Variants in LRMDA observed in about 807,000 individuals in gnomAD.
The protein encoded by LRMDA is leucine-rich melanocyte differentiation-associated protein.
A neutral mutation model predicts 29.8 loss-of-function variants in LRMDA; 18 were observed. The ratio of observed to expected loss-of-function variants is 0.60; its 90% CI spans 0.42 to 0.90. The LOEUF is 0.90. Ranked by LOEUF, LRMDA falls within the 40% of genes least tolerant of loss-of-function variation. The pLI, the probability that LRMDA is intolerant of heterozygous loss-of-function variation, is 0.00. For synonymous variants in LRMDA, 125 were observed against 109.4 expected (o/e 1.14, Z -0.89); for missense variants, 273 against 273.9 (o/e 1.00, Z 0.02).
chr10:75,728,057 C>G (rs1242876987), intron 2 of LRMDA, among the ~76,000 whole-genome samples: 2 of 152,094 alleles, frequency 1.3e-5, no homozygotes, highest in Non-Finnish European at 2.9e-5. Context: ...CATAACAACC[C>G]TCTGGGGGAT....
intron 2 of LRMDA, among the ~76,000 whole-genome samples, chr10:75,592,746 T>G (rs567290698): frequency 2.6e-5 from 4 of 152,318 alleles, no homozygotes; most frequent in African/African-American, 9.6e-5. Flanking sequence ...CGAGGAAAAT[T>G]GAGGATGGTT....
At chr10:76,478,288 C>T (rs1459306246) in intron 6 of LRMDA, among the ~76,000 whole-genome samples, 2 of 152,094 alleles carry the variant, frequency 1.3e-5, no homozygotes, top group African/African-American at 2.4e-5. Context: ...CCAACAGACA[C>T]GTGAAAAAAT....
intron 4 of LRMDA, among the ~76,000 whole-genome samples, chr10:76,056,064 C>G (rs1408646334): frequency 6.6e-6 from 1 of 152,192 alleles, no homozygotes; most frequent in Non-Finnish European, 1.5e-5. Flanking sequence ...GGAGGGTGAG[C>G]AAGGCAAAGA....
chr10:76,200,937 A>G (rs1321195581), intron 5 of LRMDA, among the ~76,000 whole-genome samples: 1 of 151,302 alleles, frequency 6.6e-6, no homozygotes, highest in Non-Finnish European at 1.5e-5. Context: ...GGCTGGTCTC[A>G]AATTCCTGAC....
rs559003377 is a variant in LRMDA, at chr10:76,436,957, C to T, written c.601+112472C>T. Among the ~76,000 whole-genome samples, 4 of 152,272 alleles carry T rather than the reference C, an allele frequency of 2.6e-5. No individual in the cohort carries two copies. The South Asian group carries it at 8.3e-4, about 32-fold the overall frequency. The stretch of plus-strand genomic sequence containing the variant: ...TACCTGAGCTGCCAGTCCCTTCCCA[C>T]TCCTCAAACAGGACTTCTCTGGTTT... On this transcript the variant is annotated intron_variant, in intron 6 of 6. Coordinates refer to ENST00000611255, the MANE Select transcript of LRMDA (RefSeq NM_001305581.2).
chr10:75,805,597 A>AT lies in LRMDA; in HGVS notation c.132-230407dup, dbSNP rs564293422. ...CATGCAAAGGAGTCAGGATTCTGAG[A>AT]TTTTGGGTAGCTGAGATTGTGACAA... On this transcript the variant is annotated intron_variant, in intron 2 of 6. Transcript: ENST00000611255. Among the ~76,000 whole-genome samples the AT allele has an allele frequency of 5.9e-5, 9 of 152,140 alleles. No individual in the cohort carries two copies. In the East Asian group the frequency reaches 1.7e-3, roughly 30 times the overall value.
chr10:76,037,756 C>G (rs149937906), intron 3 of LRMDA, among the ~76,000 whole-genome samples: 1 of 152,302 alleles, frequency 6.6e-6, no homozygotes, highest in African/African-American at 2.4e-5. Flanking sequence ...CCCTTATGAC[C>G]TAATCACCTC....
At chr10:75,537,866 C>T (rs1247455454) in intron 2 of LRMDA, among the ~76,000 whole-genome samples, 2 of 152,196 alleles carry the variant, frequency 1.3e-5, no homozygotes, top group East Asian at 3.8e-4. Flanking sequence ...TCCTGTGTGT[C>T]CCCTCTATAG....
At chr10:76,147,576 A>T (rs1850352296) in intron 5 of LRMDA, among the ~76,000 whole-genome samples, 1 of 151,764 alleles carries the variant, frequency 6.6e-6, no homozygotes, top group African/African-American at 2.4e-5. Context: ...TATTCTAGTT[A>T]TCCATTCGTC....
intron 2 of LRMDA, among the ~76,000 whole-genome samples, chr10:75,537,321 C>T (rs1254142192): frequency 6.6e-6 from 1 of 152,162 alleles, no homozygotes; most frequent in Non-Finnish European, 1.5e-5. Flanking sequence ...ACTCCTAAGG[C>T]AGGCCATGTG....
intron 2 of LRMDA, among the ~76,000 whole-genome samples, chr10:75,802,218 T>TGAGGTGG (rs1843760940): frequency 6.6e-6 from 1 of 151,596 alleles, no homozygotes; most frequent in South Asian, 2.1e-4. Context: ...CTGAGGAGCC[T>TGAGGTGG]GAGGTGGGAG....
At chr10:76,546,001 C>A (rs1254788356) in intron 6 of LRMDA, among the ~76,000 whole-genome samples, 1 of 152,154 alleles carries the variant, frequency 6.6e-6, no homozygotes, top group South Asian at 2.1e-4. Flanking sequence ...CGGGGCTTGG[C>A]AAGCTGTGTT....
intron 2 of LRMDA, among the ~76,000 whole-genome samples, chr10:75,999,839 G>A (rs1564626686): frequency 6.6e-6 from 1 of 152,330 alleles, no homozygotes; most frequent in East Asian, 1.9e-4. Context: ...AAGGATGGAA[G>A]GAGATTTCTA....
intron 2 of LRMDA, among the ~76,000 whole-genome samples, chr10:75,736,465 G>A (rs1046590908): frequency 2.0e-5 from 3 of 152,084 alleles, no homozygotes; most frequent in Admixed American, 6.5e-5. Flanking sequence ...ATTGTCATGC[G>A]GTGCTATTAA....
intron 4 of LRMDA, among the ~76,000 whole-genome samples, chr10:76,057,130 A>C (rs1049826032): frequency 2.0e-5 from 3 of 152,198 alleles, no homozygotes; most frequent in Admixed American, 2.0e-4. Flanking sequence ...TGGTTCCTTG[A>C]TGCCCATTTG....
chr10:76,543,442 T>G (rs1204588118), intron 6 of LRMDA, among the ~76,000 whole-genome samples: 1 of 152,030 alleles, frequency 6.6e-6, no homozygotes, highest in Non-Finnish European at 1.5e-5. Context: ...TATATGACAC[T>G]TTCTTAGAAA....
chr10:75,937,189 TG>T (rs1480288507), intron 2 of LRMDA, among the ~76,000 whole-genome samples: 1 of 152,222 alleles, frequency 6.6e-6, no homozygotes, highest in Non-Finnish European at 1.5e-5. Flanking sequence ...ACTACATTTT[TG>T]CTAAATTTGT....
chr10:75,555,989 A>T (rs1009847701), intron 2 of LRMDA, among the ~76,000 whole-genome samples: 5 of 152,208 alleles, frequency 3.3e-5, no homozygotes, highest in African/African-American at 1.2e-4. Flanking sequence ...TTAATGAAAG[A>T]TCAATAGACA....
intron 5 of LRMDA, among the ~76,000 whole-genome samples, chr10:76,294,031 C>T (rs1840382279): frequency 6.6e-6 from 1 of 152,210 alleles, no homozygotes. Context: ...AGTAAATACA[C>T]TTTCCCACTC....
Sources: gnomAD v4.1 joint callset for allele counts (sites outside exome capture counted in the v4.1 genomes callset) on GRCh38, gnomAD v4.1.1 for gene constraint, MANE v1.5 for transcripts, NCBI Gene and HGNC (gene_info 2026-07-23, HGNC 2026-07-21) for gene names.